The following HIP1 variants were observed in gnomAD, a reference collection of about 807,000 sequenced individuals.
HIP1 encodes the protein huntingtin-interacting protein 1.
A neutral mutation model predicts 147.6 loss-of-function variants in HIP1; 65 were observed. The observed-to-expected ratio is 0.44, with a 90% confidence interval of 0.36 to 0.54. The LOEUF (loss-of-function observed/expected upper bound fraction) is 0.54, where lower values mean the gene tolerates loss of function less well. Ranked by LOEUF, HIP1 falls within the 20% of genes least tolerant of loss-of-function variation. The pLI is 0.00. For synonymous variants in HIP1, 479 were observed against 504.0 expected (o/e 0.95, Z 0.67); for missense variants, 1,061 against 1,299.6 (o/e 0.82, Z 2.82).
intron 8 of HIP1, among the ~76,000 whole-genome samples, chr7:75,570,440 C>T (rs1554496372): frequency 3.3e-5 from 5 of 151,246 alleles, no homozygotes; most frequent in South Asian, 2.1e-4. Context: ...TACAGGCGCC[C>T]GCCACCACGC....
At chr7:75,577,227 A>G (rs1795873931) in intron 7 of HIP1, among the ~76,000 whole-genome samples, 1 of 150,494 alleles carries the variant, frequency 6.6e-6, no homozygotes, top group Admixed American at 6.7e-5. Flanking sequence ...GCTACTCAGG[A>G]GGCTGAGGTG....
chr7:75,718,859 G>T (rs1382618728), intron 1 of HIP1, among the ~76,000 whole-genome samples: 1 of 152,064 alleles, frequency 6.6e-6, no homozygotes, highest in African/African-American at 2.4e-5. Flanking sequence ...GGTTCTGCTC[G>T]CCACTCTCCA....
At chr7:75,697,411 A>AG (rs1800674281) in intron 1 of HIP1, among the ~76,000 whole-genome samples, 1 of 152,132 alleles carries the variant, frequency 6.6e-6, no homozygotes, top group African/African-American at 2.4e-5. Flanking sequence ...CAGTTCTCTA[A>AG]GAAAAAGAAA....
intron 7 of HIP1, among the ~76,000 whole-genome samples, chr7:75,579,674 G>A (rs1441780306): frequency 1.3e-5 from 2 of 152,106 alleles, no homozygotes; most frequent in African/African-American, 2.4e-5. Flanking sequence ...CCCAGCCATC[G>A]TACAACACAA....
chr7:75,582,302 A>T, intron 5 of HIP1, 151 bp from the exon 6 acceptor site: 1 of 634,000 alleles, frequency 1.6e-6, no homozygotes, highest in South Asian at 1.8e-5. Context: ...TTACAGTTCA[A>T]GGCCACTGCA....
chr7:75,654,995 G>A (rs1028361889), intron 1 of HIP1, among the ~76,000 whole-genome samples: 4 of 152,112 alleles, frequency 2.6e-5, no homozygotes. Context: ...CAACAATGAT[G>A]ACAAAAGTTA....
chr7:75,725,534 T>C (rs1801625212), intron 1 of HIP1, among the ~76,000 whole-genome samples: 1 of 152,142 alleles, frequency 6.6e-6, no homozygotes, highest in Non-Finnish European at 1.5e-5. Context: ...TGAGAATCAC[T>C]TCCTTTTTTC....
intron 11 of HIP1, 121 bp from the exon 12 acceptor site, chr7:75,562,291 A>C: frequency 1.6e-6 from 1 of 641,330 alleles, no homozygotes; most frequent in Non-Finnish European, 2.7e-6. Context: ...GACCTGTTTA[A>C]TTTTTTTAAT....
chr7:75,577,346 C>CAA lies in HIP1; in HGVS notation c.605-3446_605-3445insTT, dbSNP rs1383136922. ...GATCCCATCTCCAAAAAAAAAAAAA[C>CAA]GAGAGAGAGAGAAAAGAAAAACAGC... On this transcript the variant is annotated intron_variant, in intron 7 of 30. Coordinates refer to ENST00000336926, the MANE Select transcript of HIP1 (RefSeq NM_005338.7). 9.4e-4 allele frequency among the ~76,000 whole-genome samples: 99 copies of CAA among 105,122 alleles called. 2 individuals are homozygous for CAA. The highest frequency in any genetic ancestry group is 3.5e-3 in the African/African-American group (89 of 25,280). The allele number at this position is 105,122 out of a possible 152,430, so 69.0% of individuals were successfully genotyped here.
chr7:75,537,886 C>G lies in HIP1; in HGVS notation c.*286G>C. ...TGGTCCTCTCTGTTGAGTGGCCCTG[C>G]CCCCCACCACCCCTCTTCGTACCTA... On this transcript the variant is annotated 3_prime_UTR_variant, in exon 31 of 31. Coordinates refer to ENST00000336926, the MANE Select transcript of HIP1 (RefSeq NM_005338.7). 1 of 482,536 alleles carries G rather than the reference C, an allele frequency of 2.1e-6. No individual in the cohort carries two copies. 29.9% of individuals were successfully genotyped at this position (482,536 alleles called of 1,614,324 possible). A position where few individuals can be genotyped will look rare whatever the true frequency, so the allele number is the denominator to read the frequency against.
chr7:75,553,471 C>T lies in HIP1; in HGVS notation c.2277G>A (p.Lys759=). The change falls in exon 22 of 31, where the codon AAG becomes AAA. Residue 759 remains lysine, a synonymous_variant. Transcript: ENST00000336926. The stretch of plus-strand genomic sequence containing the variant: ...CAAGTACCTCGCCGATGGCCTTGAT[C>T]TTGCTCAGGCAGTTCCTCATGGCTG... The part of the protein sequence containing the change: ...DSTAMRNCLS[K]IKAIGEELLP... The T allele has an allele frequency of 6.2e-7, 1 of 1,614,144 alleles. No homozygotes were observed. The highest frequency in any genetic ancestry group is 8.5e-7 in the Non-Finnish European group (1 of 1,180,018).
chr7:75,539,470 T>G, intron 29 of HIP1, 39 bp from the exon 30 acceptor site: 1 of 1,414,500 alleles, frequency 7.1e-7, no homozygotes, highest in Non-Finnish European at 9.9e-7. Context: ...CTTAATCATC[T>G]CTCAGAGATT....
chr7:75,639,250 GGGGGA>G, intron 1 of HIP1: 4 of 900,952 alleles, frequency 4.4e-6, no homozygotes, highest in Non-Finnish European at 5.3e-6. Context: ...AGGAAGGGGA[GGGGGA>G]GGGGAGGCGG....
chr7:75,595,393 A>G (rs1462033265), intron 2 of HIP1, among the ~76,000 whole-genome samples: 1 of 149,198 alleles, frequency 6.7e-6, no homozygotes, highest in African/African-American at 2.5e-5. Flanking sequence ...CCCAGGCTGG[A>G]GTGCAGTGGC....
chr7:75,659,924 G>C (rs1295896946), intron 1 of HIP1, among the ~76,000 whole-genome samples: 7 of 151,478 alleles, frequency 4.6e-5, no homozygotes, highest in Non-Finnish European at 7.4e-5. Context: ...TCAAGAGATC[G>C]AGACCATCCT....
chr7:75,624,030 A>G (rs934992084), intron 1 of HIP1, among the ~76,000 whole-genome samples: 2 of 152,162 alleles, frequency 1.3e-5, no homozygotes, highest in African/African-American at 2.4e-5. Context: ...GCAGTGAGCT[A>G]TGATCGTGCC....
intron 1 of HIP1, among the ~76,000 whole-genome samples, chr7:75,666,561 AC>A (rs1200681859): frequency 1.3e-5 from 2 of 152,216 alleles, no homozygotes; most frequent in African/African-American, 4.8e-5. Flanking sequence ...CAATAGCGAC[AC>A]CGATATTCTC....
intron 15 of HIP1, 93 bp downstream of exon 15, chr7:75,558,074 G>C: frequency 4.2e-6 from 4 of 954,184 alleles, no homozygotes; most frequent in Non-Finnish European, 6.8e-6. Flanking sequence ...ATCAATGTAG[G>C]GGTTGCTGGC....
intron 1 of HIP1, among the ~76,000 whole-genome samples, chr7:75,615,676 A>G (rs1554505825): frequency 6.6e-6 from 1 of 151,850 alleles, no homozygotes; most frequent in Non-Finnish European, 1.5e-5. Flanking sequence ...TAGGAGATTG[A>G]GGTGGAGGAT....
Sources: gnomAD v4.1 joint callset for allele counts (sites outside exome capture counted in the v4.1 genomes callset) on GRCh38, gnomAD v4.1.1 for gene constraint, MANE v1.5 for transcripts, NCBI Gene and HGNC (gene_info 2026-07-23, HGNC 2026-07-21) for gene names.